Variants in ARMC2 observed in about 807,000 individuals in gnomAD.
ARMC2 encodes armadillo repeat containing 2, also known as armadillo repeat-containing protein 2.
In ARMC2, 67 loss-of-function variants were observed where a neutral mutation model predicts 90.3. The ratio of observed to expected loss-of-function variants is 0.74; its 90% CI spans 0.61 to 0.91. The LOEUF is 0.91. Ranked by LOEUF, ARMC2 falls within the 40% of genes least tolerant of loss-of-function variation. The pLI, the probability that ARMC2 is intolerant of heterozygous loss-of-function variation, is 0.00. For synonymous variants in ARMC2, 393 were observed against 393.0 expected (o/e 1.00, Z 0.00); for missense variants, 920 against 1,030.9 (o/e 0.89, Z 1.47).
chr6:109,031,034 G>A, the ARMC2 span, among the ~76,000 whole-genome samples: 3 of 152,168 alleles, frequency 2.0e-5, no homozygotes, highest in East Asian at 1.9e-4. Context: ...TCTAGGCAAC[G>A]TGTAATTTTG....
At chr6:108,949,191 G>A (rs978237448) in intron 12 of ARMC2, among the ~76,000 whole-genome samples, 6 of 152,132 alleles carry the variant, frequency 3.9e-5, no homozygotes, top group African/African-American at 1.4e-4. Flanking sequence ...TGCTTTTATG[G>A]AAATGGGAGA....
chr6:108,986,660 A>C, the ARMC2 span: 1 of 152,516 alleles, frequency 6.6e-6, no homozygotes, highest in Admixed American at 6.5e-5. Flanking sequence ...AGTGGGGACC[A>C]GGAGGCAGGC....
chr6:108,977,066 T>C (rs1778996197), downstream of ARMC2, among the ~76,000 whole-genome samples: 1 of 152,202 alleles, frequency 6.6e-6, no homozygotes, highest in African/African-American at 2.4e-5. Context: ...AGAGAGGACA[T>C]CCTTGTCTTG....
the ARMC2 span, among the ~76,000 whole-genome samples, chr6:109,047,570 G>A: frequency 1.0e-4 from 14 of 137,582 alleles, no homozygotes; most frequent in Middle Eastern, 8.8e-3. Context: ...CCCTCTGCCC[G>A]GCCACCACCC....
intron 11 of ARMC2, among the ~76,000 whole-genome samples, chr6:108,935,134 A>G (rs1775857462): frequency 6.6e-6 from 1 of 152,126 alleles, no homozygotes; most frequent in Non-Finnish European, 1.5e-5. Context: ...TTCATTGTTA[A>G]TATTGACTTT....
At chr6:108,931,878 C>G (rs938036695) in intron 11 of ARMC2, among the ~76,000 whole-genome samples, 1 of 151,824 alleles carries the variant, frequency 6.6e-6, no homozygotes, top group African/African-American at 2.4e-5. Context: ...ATTATCCTGC[C>G]TCAGCCTCCC....
chr6:108,989,105 C>T, the ARMC2 span, among the ~76,000 whole-genome samples: 3 of 152,058 alleles, frequency 2.0e-5, no homozygotes, highest in African/African-American at 4.8e-5. Context: ...TGGGTTCAAG[C>T]GATTCTCTCA....
intron 11 of ARMC2, 69 bp from the exon 12 acceptor site, chr6:108,936,831 T>C (rs1460232107): frequency 8.0e-7 from 1 of 1,242,500 alleles, no homozygotes; most frequent in Non-Finnish European, 1.1e-6. Context: ...TTTAAAGTGA[T>C]ACTATGTGTA....
At chr6:108,978,742 T>C (rs889905146), downstream of ARMC2, among the ~76,000 whole-genome samples, 25 of 152,202 alleles carry the variant, frequency 1.6e-4, no homozygotes, top group African/African-American at 6.0e-4. Flanking sequence ...CCTTTACCAT[T>C]AGGTAATGCC....
the ARMC2 span, among the ~76,000 whole-genome samples, chr6:108,987,998 T>C: frequency 1.3e-5 from 2 of 152,138 alleles, no homozygotes. Context: ...ATCACCATGT[T>C]GGACAGTCTG....
chr6:109,050,388 TA>T, the ARMC2 span, among the ~76,000 whole-genome samples: 3,254 of 133,906 alleles, frequency 0.024, 83 homozygotes, highest in African/African-American at 0.065. Context: ...TTTAAATTGT[TA>T]AAAAAAAAAA....
chr6:108,987,806 C>CTT, the ARMC2 span, among the ~76,000 whole-genome samples: 23 of 135,574 alleles, frequency 1.7e-4, no homozygotes, highest in African/African-American at 2.0e-4. Flanking sequence ...CAGCAGCTAT[C>CTT]TTTTTTTTTT....
the ARMC2 span, among the ~76,000 whole-genome samples, chr6:108,983,293 T>C: frequency 6.6e-6 from 1 of 152,228 alleles, no homozygotes; most frequent in Non-Finnish European, 1.5e-5. Flanking sequence ...GTAATTCCAA[T>C]GGTCTTTTTT....
intron 17 of ARMC2, among the ~76,000 whole-genome samples, chr6:108,971,056 C>G (rs149955536): frequency 2.6e-3 from 399 of 152,032 alleles, no homozygotes; most frequent in African/African-American, 9.3e-3. Flanking sequence ...AACCCCATCT[C>G]TACTAAAAAC....
At chr6:108,960,292 G>A (rs1777898937) in intron 13 of ARMC2, among the ~76,000 whole-genome samples, 3 of 152,110 alleles carry the variant, frequency 2.0e-5, no homozygotes, top group African/African-American at 4.8e-5. Flanking sequence ...CCACATCTCC[G>A]CCATCACCCG....
intron 9 of ARMC2, 74 bp from the exon 10 acceptor site, chr6:108,912,261 A>T: frequency 9.3e-7 from 1 of 1,070,330 alleles, no homozygotes; most frequent in African/African-American, 1.6e-5. Context: ...TTTTATGTTC[A>T]CACACAAGTG....
At chr6:108,873,163 C>T (rs1776593885) in intron 4 of ARMC2, among the ~76,000 whole-genome samples, 1 of 152,222 alleles carries the variant, frequency 6.6e-6, no homozygotes, top group Non-Finnish European at 1.5e-5. Flanking sequence ...AGCAGCCATC[C>T]ACCAATTTAT....
At chr6:108,959,338 A>C (rs1293355182) in intron 13 of ARMC2, 1 of 152,260 alleles carries the variant, frequency 6.6e-6, no homozygotes, top group Non-Finnish European at 1.5e-5. Flanking sequence ...TTCAAGAACA[A>C]GCACAGTCCT....
chr6:108,973,259 C>T lies in ARMC2; in HGVS notation c.2447-98C>T, dbSNP rs532506499. 3.6e-4 allele frequency: 364 copies of T among 1,015,986 alleles called. 5 individuals are homozygous for T. Among genetic ancestry groups the T allele is most frequent in the South Asian group, 2.9e-3 (144 of 50,328 alleles). 62.9% of individuals were successfully genotyped at this position (1,015,986 alleles called of 1,614,324 possible). On this transcript the variant is annotated intron_variant, in intron 17 of 17. Coordinates refer to ENST00000392644, the MANE Select transcript of ARMC2 (RefSeq NM_032131.6). ...CTTGTGTTACGTTGGTATTAAAGGA[C>T]GACCCAGGGTGAGTTTAACTCATAT...
Sources: allele counts gnomAD v4.1 joint callset (sites outside exome capture counted in the v4.1 genomes callset), GRCh38; gene constraint gnomAD v4.1.1; transcripts MANE v1.5; gene names NCBI Gene and HGNC (gene_info 2026-07-23, HGNC 2026-07-21).